The following PSEN1 variants were observed in gnomAD, a reference collection of about 807,000 sequenced individuals.
PSEN1 encodes the protein presenilin-1.
Under a neutral mutation model 53.5 loss-of-function variants are expected in PSEN1, and 15 were observed. The observed-to-expected ratio is 0.28, with a 90% CI of 0.19 to 0.43. The LOEUF is 0.43. PSEN1 is among the 20% of genes least tolerant of loss of function. PSEN1 has a pLI of 1.00. For missense variants in PSEN1, 387 were observed against 571.2 expected (o/e 0.68, Z 3.29); for synonymous variants, 208 against 209.8 (o/e 0.99, Z 0.08).
chr14:73,208,063 C>T (rs932339179), intron 9 of PSEN1, among the ~76,000 whole-genome samples: 2 of 152,192 alleles, frequency 1.3e-5, no homozygotes, highest in East Asian at 1.9e-4. Flanking sequence ...ACAGGGGCAC[C>T]CAGAAGCTTG....
At chr14:73,138,377 C>T (rs1002778960) in intron 1 of PSEN1, among the ~76,000 whole-genome samples, 39 of 151,064 alleles carry the variant, frequency 2.6e-4, no homozygotes, top group African/African-American at 9.0e-4. Context: ...CGCCACCACG[C>T]CCGGCTAATT....
At chr14:73,147,519 T>G (rs181694247) in intron 1 of PSEN1, 1 of 176,494 alleles carries the variant, frequency 5.7e-6, no homozygotes, top group African/African-American at 2.4e-5. Context: ...GAAAAAGGAA[T>G]GTTGAGAACA....
At position 73,147,893 on chromosome 14, in the gene PSEN1, T is replaced by C. The variant is rs1237862709; in HGVS notation, c.-54+17T>C. 2 of 765,054 alleles carry C rather than the reference T, an allele frequency of 2.6e-6. No individual in the cohort carries two copies. Among genetic ancestry groups the C allele is most frequent in the Non-Finnish European group, 4.5e-6 (2 of 441,488 alleles). The allele number at this position is 765,054 out of a possible 1,614,324, so 47.4% of individuals were successfully genotyped here. On this transcript the variant is annotated intron_variant, in intron 2 of 11. Transcript: ENST00000324501. Reference sequence around the variant, plus strand: ...GAAAGAAAGGTTTGTTTCTGCTTAATGTAATCTATGAAAGTGTTTTTTATA... The same window carrying C: ...GAAAGAAAGGTTTGTTTCTGCTTAACGTAATCTATGAAAGTGTTTTTTATA...
At position 73,165,906 on chromosome 14, in the gene PSEN1, AT is replaced by A. The variant is rs377365367; in HGVS notation, c.88-4889del. ...CCCTGTCTCTACTAAAAATACAAACATTAAGCCGGCGCAGTGGTGGATGCCG... is the reference window on the plus strand; with the variant it reads ...CCCTGTCTCTACTAAAAATACAAACATAAGCCGGCGCAGTGGTGGATGCCG... On this transcript the variant is annotated intron_variant, in intron 3 of 11. Coordinates refer to ENST00000324501, the MANE Select transcript of PSEN1 (RefSeq NM_000021.4). Among the ~76,000 whole-genome samples, 473 of 152,000 alleles carry A rather than the reference AT, an allele frequency of 3.1e-3. 2 individuals carry two copies. Among genetic ancestry groups the A allele is most frequent in the African/African-American group, 8.6e-3 (357 of 41,418 alleles).
chr14:73,178,387 C>T (rs1032133189), intron 5 of PSEN1, among the ~76,000 whole-genome samples: 2 of 151,008 alleles, frequency 1.3e-5, no homozygotes, highest in African/African-American at 4.9e-5. Context: ...GGGGTTTCAC[C>T]ATGTTGGCCA....
At chr14:73,214,530 CAA>C (rs555608494) in intron 10 of PSEN1, among the ~76,000 whole-genome samples, 13,136 of 73,932 alleles carry the variant, frequency 0.18, 613 homozygotes, top group African/African-American at 0.22. Context: ...AACTCCATCT[CAA>C]AAAAAAAAAA....
intron 3 of PSEN1, among the ~76,000 whole-genome samples, chr14:73,153,829 T>TA (rs1234275366): frequency 6.6e-6 from 1 of 151,620 alleles, no homozygotes; most frequent in Non-Finnish European, 1.5e-5. Flanking sequence ...TCTCCTGCCT[T>TA]AGTCTCCCGA....
rs575813631 is a variant in PSEN1 at position 73,201,992 on chromosome 14, C to T, written c.868+3863C>T. ...GAACTCCCCACCTCAAGTGATCCAC[C>T]TGCCTCGGCCTCCCAAAGTGCTGGG... On this transcript the variant is annotated intron_variant, in intron 8 of 11. Transcript: ENST00000324501. 6.6e-5 allele frequency among the ~76,000 whole-genome samples: 10 copies of T among 152,230 alleles called. No homozygotes were observed. In the East Asian group the frequency reaches 1.9e-3, roughly 29 times the overall value.
rs1305725151 is a variant in PSEN1, at chr14:73,220,675, C to A, written c.*1386C>A. Reference sequence around the variant, plus strand: ...AGGAGTTTCAGGTTATTCTCGTCAGCTCCACAAATGGGTGCTTTGTGGTCT... The same window carrying A: ...AGGAGTTTCAGGTTATTCTCGTCAGATCCACAAATGGGTGCTTTGTGGTCT... On this transcript the variant is annotated 3_prime_UTR_variant, in exon 12 of 12. Coordinates refer to ENST00000324501, the MANE Select transcript of PSEN1 (RefSeq NM_000021.4). 4.6e-5 allele frequency: 7 copies of A among 152,266 alleles called. No individual in the cohort carries two copies. The highest frequency in any genetic ancestry group is 8.8e-5 in the Non-Finnish European group (6 of 68,086). The allele number at this position is 152,266 out of a possible 1,614,324, so 9.4% of individuals were successfully genotyped here. A position where few individuals can be genotyped will look rare whatever the true frequency, so the allele number is the denominator to read the frequency against.
At chr14:73,186,146 A>G (rs182564429) in intron 5 of PSEN1, among the ~76,000 whole-genome samples, 3 of 152,126 alleles carry the variant, frequency 2.0e-5, no homozygotes, top group African/African-American at 7.2e-5. Context: ...TTGGGAGGCC[A>G]AGGCAGGTGG....
chr14:73,205,478 C>CAAA (rs34992040), intron 8 of PSEN1, among the ~76,000 whole-genome samples: 4 of 64,654 alleles, frequency 6.2e-5, no homozygotes, highest in Non-Finnish European at 9.8e-5. Context: ...GACTCTGTCT[C>CAAA]AAAAAAAAAA....
chr14:73,161,992 T>TAA (rs1179787685), intron 3 of PSEN1, among the ~76,000 whole-genome samples: 96 of 65,364 alleles, frequency 1.5e-3, no homozygotes, highest in Admixed American at 2.3e-3. Context: ...CCGTTTCCAC[T>TAA]AAAAAAAAAA....
chr14:73,196,956 G>A (rs1293676627), intron 7 of PSEN1, among the ~76,000 whole-genome samples: 25 of 131,928 alleles, frequency 1.9e-4, no homozygotes, highest in African/African-American at 5.5e-4. Context: ...TTTTTGAGAC[G>A]GAGTCTCGCT....
chr14:73,162,432 C>T (rs1344645652), intron 3 of PSEN1, among the ~76,000 whole-genome samples: 1 of 146,692 alleles, frequency 6.8e-6, no homozygotes, highest in Non-Finnish European at 1.5e-5. Context: ...CGTTCTCTCT[C>T]TCGCTCGCTC....
chr14:73,184,939 G>A lies in PSEN1; in HGVS notation c.481-1914G>A, dbSNP rs1279071582. Among the ~76,000 whole-genome samples, 8 of 150,146 alleles carry A rather than the reference G, an allele frequency of 5.3e-5. No homozygotes were observed. The South Asian group carries it at 1.1e-3, about 20-fold the overall frequency. ...TCACCTCCCAGACGGGGTCGCGGCC[G>A]GGCAGAGGTGCTCCTCACATCCCAG... is the stretch of plus-strand genomic sequence containing the variant. On this transcript the variant is annotated intron_variant, in intron 5 of 11. Coordinates refer to ENST00000324501, the MANE Select transcript of PSEN1 (RefSeq NM_000021.4).
intron 8 of PSEN1, among the ~76,000 whole-genome samples, chr14:73,198,896 C>T (rs1007906929): frequency 3.3e-5 from 5 of 152,268 alleles, no homozygotes; most frequent in Non-Finnish European, 2.9e-5. Flanking sequence ...ACCTCAGCCT[C>T]CCGAGTAGCT....
At chr14:73,177,830 T>C (rs557753040) in intron 5 of PSEN1, among the ~76,000 whole-genome samples, 210 of 152,360 alleles carry the variant, frequency 1.4e-3, no homozygotes, top group African/African-American at 4.9e-3. Context: ...ATTATGGGAC[T>C]GTGTGAGGAT....
At chr14:73,164,343 C>G (rs903357796) in intron 3 of PSEN1, among the ~76,000 whole-genome samples, 3 of 152,162 alleles carry the variant, frequency 2.0e-5, no homozygotes, top group African/African-American at 7.2e-5. Context: ...TATTGATAGA[C>G]TAAAAATGTC....
intron 4 of PSEN1, 54 bp from the exon 5 acceptor site, chr14:73,173,512 G>A: frequency 1.3e-6 from 2 of 1,566,046 alleles, no homozygotes; most frequent in Non-Finnish European, 8.8e-7. Flanking sequence ...TGGTAATGTG[G>A]TTGGTGATCT....
Sources: allele counts gnomAD v4.1 joint callset (sites outside exome capture counted in the v4.1 genomes callset), GRCh38; gene constraint gnomAD v4.1.1; transcripts MANE v1.5; gene names NCBI Gene and HGNC (gene_info 2026-07-23, HGNC 2026-07-21).